Variants in CYP4Z1 observed in about 807,000 individuals in gnomAD.
CYP4Z1 encodes the protein cytochrome P450 4Z1.
Under a neutral mutation model 54.2 loss-of-function variants are expected in CYP4Z1, and 41 were observed. That is an observed-to-expected ratio of 0.76 (90% CI 0.59 to 0.98). The LOEUF (loss-of-function observed/expected upper bound fraction) is 0.98. Ranked by LOEUF, CYP4Z1 falls within the 50% of genes least tolerant of loss-of-function variation. The pLI is 0.00. For synonymous variants in CYP4Z1, 163 were observed against 206.2 expected, an observed-to-expected ratio of 0.79 and a Z score of 1.79; for missense variants, 513 against 599.0, an observed-to-expected ratio of 0.86 and a Z score of 1.50.
chr1:47,076,650 C>T (rs1372705209), intron 2 of CYP4Z1, among the ~76,000 whole-genome samples: 1 of 151,456 alleles, frequency 6.6e-6, no homozygotes, highest in East Asian at 1.9e-4. Flanking sequence ...TCGAGACCAT[C>T]CTGGCTAACA....
At chr1:47,065,058 C>T (rs778367545), upstream of CYP4Z1, among the ~76,000 whole-genome samples, 19 of 151,624 alleles carry the variant, frequency 1.3e-4, no homozygotes, top group African/African-American at 9.7e-5. Context: ...AATTACTATG[C>T]GATAAACAAC....
chr1:47,099,534 T>C (rs1267726141), intron 8 of CYP4Z1, among the ~76,000 whole-genome samples: 1 of 152,164 alleles, frequency 6.6e-6, no homozygotes, highest in Non-Finnish European at 1.5e-5. Context: ...ATAGTACAAC[T>C]GCGGAAAGAA....
rs1644698386 is a variant in CYP4Z1 at position 47,098,697 on chromosome 1, C to T, written c.877-397C>T. Among the ~76,000 whole-genome samples, 4 of 152,278 alleles carry T rather than the reference C, an allele frequency of 2.6e-5. No individual in the cohort carries two copies. In the South Asian group the frequency reaches 8.3e-4, roughly 32 times the overall value. Reference sequence around the variant, plus strand: ...CATAATTTTAGTTACTACATAGTGTCCCATTTTATGGATGGTCCATAATTT... The same window carrying T: ...CATAATTTTAGTTACTACATAGTGTTCCATTTTATGGATGGTCCATAATTT... On this transcript the variant is annotated intron_variant, in intron 7 of 11. Coordinates refer to ENST00000334194, the MANE Select transcript of CYP4Z1 (RefSeq NM_178134.3).
chr1:47,103,643 G>A (rs1644737059), intron 8 of CYP4Z1, among the ~76,000 whole-genome samples: 1 of 132,478 alleles, frequency 7.5e-6, no homozygotes, highest in South Asian at 2.4e-4. Context: ...TGCCCATGCT[G>A]GAGTGCAATG....
chr1:47,096,773 CA>C (rs1644681163), intron 7 of CYP4Z1: 1 of 152,042 alleles, frequency 6.6e-6, no homozygotes, highest in Non-Finnish European at 1.5e-5. Context: ...GGACTACGGG[CA>C]TTGCCACCAT....
chr1:47,064,317 C>T (rs1269216689), upstream of CYP4Z1, among the ~76,000 whole-genome samples: 1 of 151,910 alleles, frequency 6.6e-6, no homozygotes, highest in African/African-American at 2.4e-5. Context: ...CTCCTGACCT[C>T]GTGATCCACC....
chr1:47,106,250 C>G lies in CYP4Z1; in HGVS notation c.1190C>G (p.Ser397Cys). 6.2e-7 allele frequency: 1 copy of G among 1,600,634 alleles called. No homozygotes were observed. Among genetic ancestry groups the G allele is most frequent in the South Asian group, 1.1e-5 (1 of 87,224 alleles). Residue 397 changes from serine (S) to cysteine (C), a missense_variant, in exon 9 of 12, where the codon TCC (serine) becomes TGC (cysteine). Ser to Cys is a moderately radical substitution (Grantham distance 112). Coordinates refer to ENST00000334194, the MANE Select transcript of CYP4Z1 (RefSeq NM_178134.3). ...CCCATCACCTTTCCAGATGGACGCT[C>G]CTTACCTGCAGGTCTTAAAACTTTT... The part of the protein sequence containing the change: ...DKPITFPDGR[S>C]LPAGITVFIN...
At chr1:47,068,821 C>CT in intron 2 of CYP4Z1, 58 bp downstream of exon 2, 1 of 1,579,168 alleles carries the variant, frequency 6.3e-7, no homozygotes, top group Non-Finnish European at 8.6e-7. Context: ...CTCAGGGTGT[C>CT]TGTGGCACTA....
chr1:47,087,119 A>C (rs1644601712), intron 6 of CYP4Z1, among the ~76,000 whole-genome samples: 1 of 152,154 alleles, frequency 6.6e-6, no homozygotes, highest in South Asian at 2.1e-4. Context: ...GTTTGAAGTC[A>C]GGTAGTGTGA....
At chr1:47,066,610 G>A (rs1420883622), upstream of CYP4Z1, among the ~76,000 whole-genome samples, 3 of 152,160 alleles carry the variant, frequency 2.0e-5, no homozygotes, top group East Asian at 5.8e-4. Flanking sequence ...ACAAGAGAAG[G>A]ATGCCCACTT....
intron 2 of CYP4Z1, among the ~76,000 whole-genome samples, chr1:47,070,308 T>A (rs1360226591): frequency 8.7e-6 from 1 of 115,368 alleles, no homozygotes; most frequent in Non-Finnish European, 1.7e-5. Context: ...ATACATAAAC[T>A]AAAAATTTAC....
At chr1:47,062,013 T>G in the CYP4Z1 span, among the ~76,000 whole-genome samples, 1 of 152,186 alleles carries the variant, frequency 6.6e-6, no homozygotes, top group Non-Finnish European at 1.5e-5. Context: ...AAATAAACTA[T>G]GTATTGAGGA....
At chr1:47,107,056 CA>C (rs1644761998) in intron 9 of CYP4Z1, among the ~76,000 whole-genome samples, 2 of 152,002 alleles carry the variant, frequency 1.3e-5, no homozygotes, top group Admixed American at 1.3e-4. Flanking sequence ...CATAGTTGCC[CA>C]ATAGCAATTA....
chr1:47,103,595 CTTT>C (rs373166937), intron 8 of CYP4Z1, among the ~76,000 whole-genome samples: 8 of 96,038 alleles, frequency 8.3e-5, no homozygotes, highest in African/African-American at 1.6e-4. Context: ...TCTTTTTTTT[CTTT>C]TTTTTTTTTT....
chr1:47,099,023 T>C, intron 7 of CYP4Z1, 71 bp from the exon 8 acceptor site: 1 of 1,518,968 alleles, frequency 6.6e-7, no homozygotes. Context: ...TTTTGTATTA[T>C]CATTGCTACA....
At chr1:47,092,109 G>A (rs1246338001) in intron 6 of CYP4Z1, among the ~76,000 whole-genome samples, 2 of 151,906 alleles carry the variant, frequency 1.3e-5, no homozygotes, top group African/African-American at 4.8e-5. Flanking sequence ...CACCTCTGGG[G>A]GCACTTCCAT....
chr1:47,057,945 T>C, the CYP4Z1 span, among the ~76,000 whole-genome samples: 1 of 152,084 alleles, frequency 6.6e-6, no homozygotes, highest in East Asian at 1.9e-4. Context: ...AGAGTGTTAA[T>C]TCTTATCTTA....
rs559098214 is a variant in CYP4Z1, at chr1:47,089,129, T to C, written c.772+4151T>C. 8.7e-5 allele frequency among the ~76,000 whole-genome samples: 13 copies of C among 150,076 alleles called. No homozygotes were observed. The South Asian group carries it at 2.7e-3, about 31-fold the overall frequency. Reference sequence around the variant, plus strand: ...ATTGCTGGATCATTTTATATTATTATTTTTTCTGTTTTAGATCATAAGTTT... The same window carrying C: ...ATTGCTGGATCATTTTATATTATTACTTTTTCTGTTTTAGATCATAAGTTT... On this transcript the variant is annotated intron_variant, in intron 6 of 11. Transcript: ENST00000334194.
chr1:47,085,258 T>A (rs1644584036), intron 6 of CYP4Z1, among the ~76,000 whole-genome samples: 1 of 152,128 alleles, frequency 6.6e-6, no homozygotes, highest in Non-Finnish European at 1.5e-5. Context: ...CAGCTTCAGA[T>A]GTGAAGAAAA....
Sources: gnomAD v4.1 joint callset for allele counts (sites outside exome capture counted in the v4.1 genomes callset) on GRCh38, gnomAD v4.1.1 for gene constraint, MANE v1.5 for transcripts, NCBI Gene and HGNC (gene_info 2026-07-23, HGNC 2026-07-21) for gene names.